SLC24A2: variants seen among roughly 807,000 people sequenced by gnomAD.
SLC24A2 encodes the protein solute carrier family 24 member 2.
Under a neutral mutation model 62.0 loss-of-function variants are expected in SLC24A2, and 36 were observed. That is an observed-to-expected ratio of 0.58 (90% CI 0.44 to 0.77). The LOEUF (loss-of-function observed/expected upper bound fraction) is 0.77. SLC24A2 is among the 30% of genes least tolerant of loss of function. The probability of loss-of-function intolerance (pLI) is 0.00; values close to 1 mark genes in which losing one functional copy is unlikely to be tolerated. For missense variants in SLC24A2, 846 were observed against 817.9 expected (o/e 1.03, Z -0.42); for synonymous variants, 358 against 294.0 (o/e 1.22, Z -2.23).
At chr9:19,982,446 T>G in the SLC24A2 span, among the ~76,000 whole-genome samples, 3 of 152,122 alleles carry the variant, frequency 2.0e-5, no homozygotes, top group South Asian at 2.1e-4. Flanking sequence ...TGGGGACAAT[T>G]AAAAGATTTA....
the SLC24A2 span, among the ~76,000 whole-genome samples, chr9:20,203,835 C>T: frequency 3.3e-5 from 5 of 152,292 alleles, no homozygotes; most frequent in East Asian, 7.7e-4. Context: ...TTGCTGGGTT[C>T]GCCTATGGTA....
At chr9:19,522,145 A>T (rs1369966423) in intron 9 of SLC24A2, among the ~76,000 whole-genome samples, 2 of 152,084 alleles carry the variant, frequency 1.3e-5, no homozygotes, top group African/African-American at 4.8e-5. Flanking sequence ...AGTAGCTGGG[A>T]CCACAGGTGA....
At chr9:19,562,355 A>C (rs1042499436) in intron 7 of SLC24A2, among the ~76,000 whole-genome samples, 2 of 152,154 alleles carry the variant, frequency 1.3e-5, no homozygotes, top group Admixed American at 6.5e-5. Flanking sequence ...CTTTTTATTA[A>C]TAGCCCTTAA....
intron 7 of SLC24A2, among the ~76,000 whole-genome samples, chr9:19,572,024 C>G (rs1291883901): frequency 1.3e-5 from 2 of 152,008 alleles, no homozygotes; most frequent in Non-Finnish European, 2.9e-5. Flanking sequence ...AATCCCAGCA[C>G]TTTGGGAGGC....
At chr9:19,813,223 CA>C in the SLC24A2 span, among the ~76,000 whole-genome samples, 2 of 151,530 alleles carry the variant, frequency 1.3e-5, no homozygotes, top group Non-Finnish European at 2.9e-5. Context: ...CCTGGAATCT[CA>C]ATCACCTCTT....
At chr9:19,586,712 C>A (rs1283382773) in intron 5 of SLC24A2, among the ~76,000 whole-genome samples, 2 of 152,130 alleles carry the variant, frequency 1.3e-5, no homozygotes, top group African/African-American at 4.8e-5. Context: ...GGCCAACTTA[C>A]TGATCGTGGC....
At chr9:19,677,028 C>T (rs762078503) in intron 2 of SLC24A2, among the ~76,000 whole-genome samples, 44 of 152,102 alleles carry the variant, frequency 2.9e-4, no homozygotes, top group Non-Finnish European at 4.7e-4. Flanking sequence ...GTGGTGATTC[C>T]TCAAAGACCT....
At chr9:19,858,779 G>A in the SLC24A2 span, among the ~76,000 whole-genome samples, 2 of 152,092 alleles carry the variant, frequency 1.3e-5, no homozygotes, top group Non-Finnish European at 2.9e-5. Context: ...TTAGTGAAAT[G>A]CAAATCAAAA....
the SLC24A2 span, among the ~76,000 whole-genome samples, chr9:20,130,908 A>G: frequency 2.0e-5 from 3 of 152,076 alleles, no homozygotes. Flanking sequence ...ATCACATAGG[A>G]TACCCTGCCC....
chr9:19,868,034 G>T, the SLC24A2 span, among the ~76,000 whole-genome samples: 1 of 151,024 alleles, frequency 6.6e-6, no homozygotes, highest in African/African-American at 2.4e-5. Flanking sequence ...GCTTGTTTTG[G>T]GTTTATTGTG....
chr9:20,032,445 A>C, the SLC24A2 span, among the ~76,000 whole-genome samples: 2 of 152,220 alleles, frequency 1.3e-5, no homozygotes, highest in South Asian at 2.1e-4. Context: ...AAGTGCAATA[A>C]TTACATCTTT....
At chr9:19,564,927 G>C (rs541393804) in intron 7 of SLC24A2, among the ~76,000 whole-genome samples, 4 of 152,192 alleles carry the variant, frequency 2.6e-5, no homozygotes, top group East Asian at 3.9e-4. Context: ...CACCCATCTA[G>C]ATTGGCAAAA....
At chr9:19,982,521 T>G in the SLC24A2 span, among the ~76,000 whole-genome samples, 5 of 152,112 alleles carry the variant, frequency 3.3e-5, no homozygotes, top group African/African-American at 1.2e-4. Flanking sequence ...AAAGGAAGAA[T>G]AGACTGGAGG....
At chr9:20,076,453 A>G in the SLC24A2 span, among the ~76,000 whole-genome samples, 1 of 152,160 alleles carries the variant, frequency 6.6e-6, no homozygotes, top group South Asian at 2.1e-4. Context: ...CAATGGAGGC[A>G]GGGATGGAAG....
intron 2 of SLC24A2, among the ~76,000 whole-genome samples, chr9:19,765,714 G>A (rs1243656309): frequency 6.6e-6 from 1 of 152,060 alleles, no homozygotes; most frequent in African/African-American, 2.4e-5. Context: ...CCTTTCTCTC[G>A]GGCTGACCTT....
chr9:19,770,059 A>C (rs1822638094), intron 2 of SLC24A2, among the ~76,000 whole-genome samples: 1 of 151,182 alleles, frequency 6.6e-6, no homozygotes, highest in Non-Finnish European at 1.5e-5. Flanking sequence ...AAGCAAATGC[A>C]GTCTATATTG....
chr9:19,722,743 T>C (rs1482579382), intron 2 of SLC24A2, among the ~76,000 whole-genome samples: 1 of 151,972 alleles, frequency 6.6e-6, no homozygotes, highest in African/African-American at 2.4e-5. Flanking sequence ...AATTCCAGTG[T>C]CAGCATCATA....
chr9:19,891,070 T>G, the SLC24A2 span, among the ~76,000 whole-genome samples: 1 of 152,222 alleles, frequency 6.6e-6, no homozygotes, highest in Admixed American at 6.5e-5. Context: ...GCACGTACAA[T>G]GCATCCAGTC....
chr9:20,225,893 G>C, the SLC24A2 span, among the ~76,000 whole-genome samples: 42 of 151,894 alleles, frequency 2.8e-4, no homozygotes, highest in Admixed American at 2.4e-3. Flanking sequence ...AAATCCTTTA[G>C]AAAGTGAGAA....
Sources: gnomAD v4.1 joint callset for allele counts (sites outside exome capture counted in the v4.1 genomes callset) on GRCh38, gnomAD v4.1.1 for gene constraint, MANE v1.5 for transcripts, NCBI Gene and HGNC (gene_info 2026-07-23, HGNC 2026-07-21) for gene names.